The following CGNL1 variants were observed in gnomAD, a reference collection of about 807,000 sequenced individuals.
CGNL1 encodes cingulin like 1.
In CGNL1, 132 loss-of-function variants were observed where a neutral mutation model predicts 141.2. The ratio of observed to expected loss-of-function variants is 0.93; its 90% CI spans 0.81 to 1.08. CGNL1 has a LOEUF of 1.08. Ranked by LOEUF, CGNL1 falls within the 50% of genes least tolerant of loss-of-function variation. The pLI, the probability that CGNL1 is intolerant of heterozygous loss-of-function variation, is 0.00. For missense variants in CGNL1, 1,870 were observed against 1,588.6 expected, an observed-to-expected ratio of 1.18 and a Z score of -3.01; for synonymous variants, 690 against 622.1, an observed-to-expected ratio of 1.11 and a Z score of -1.63.
At chr15:57,510,508 G>A (rs549068100) in intron 8 of CGNL1, among the ~76,000 whole-genome samples, 25 of 152,304 alleles carry the variant, frequency 1.6e-4, no homozygotes, top group Admixed American at 6.5e-4. Context: ...TCTGTGTGCC[G>A]GGTGGGCAAG....
intron 8 of CGNL1, among the ~76,000 whole-genome samples, chr15:57,498,299 G>A (rs1373080651): frequency 7.3e-6 from 1 of 137,346 alleles, no homozygotes; most frequent in African/African-American, 2.8e-5. Flanking sequence ...GCCCAGGCTG[G>A]AGTGCAGTAG....
chr15:57,455,439 C>T (rs867408278), intron 7 of CGNL1, among the ~76,000 whole-genome samples: 1 of 152,192 alleles, frequency 6.6e-6, no homozygotes, highest in Non-Finnish European at 1.5e-5. Context: ...TCTGAAGTTG[C>T]TGATTTTCCG....
chr15:57,479,953 A>G (rs2063704821), intron 8 of CGNL1, among the ~76,000 whole-genome samples: 1 of 152,186 alleles, frequency 6.6e-6, no homozygotes, highest in Admixed American at 6.5e-5. Flanking sequence ...GTGACAGCAA[A>G]GGACAGAGGA....
chr15:57,549,886 C>G lies in CGNL1; in HGVS notation c.*2396C>G, dbSNP rs1354712269. On this transcript the variant is annotated 3_prime_UTR_variant, in exon 19 of 19. Transcript: ENST00000281282. ...GCTTCTCCCATCGTTAGACATCTGCCAGTAAGCCTGCTGAGAGAAGCCTCA... is the reference window on the plus strand; with the variant it reads ...GCTTCTCCCATCGTTAGACATCTGCGAGTAAGCCTGCTGAGAGAAGCCTCA... The G allele has an allele frequency of 6.6e-6, 1 of 152,156 alleles. No homozygotes were observed. The highest frequency in any genetic ancestry group is 2.4e-5 in the African/African-American group (1 of 41,412). The allele number at this position is 152,156 out of a possible 1,614,324, so 9.4% of individuals were successfully genotyped here.
chr15:57,491,160 T>C (rs1483026104), intron 8 of CGNL1, among the ~76,000 whole-genome samples: 2 of 152,172 alleles, frequency 1.3e-5, no homozygotes, highest in Non-Finnish European at 2.9e-5. Context: ...ATTAGTTCAT[T>C]CATTATGACA....
chr15:57,393,848 TATG>T (rs1401985382), intron 1 of CGNL1: 1 of 152,066 alleles, frequency 6.6e-6, no homozygotes, highest in Non-Finnish European at 1.5e-5. Flanking sequence ...CATCAGAAAG[TATG>T]ATAACAATTA....
intron 8 of CGNL1, among the ~76,000 whole-genome samples, chr15:57,512,737 C>T (rs547509050): frequency 2.6e-5 from 4 of 152,124 alleles, no homozygotes; most frequent in Non-Finnish European, 5.9e-5. Flanking sequence ...TTTTCAGTAT[C>T]CTCATTCTTC....
intron 1 of CGNL1, among the ~76,000 whole-genome samples, chr15:57,393,359 T>C (rs1023493902): frequency 1.3e-5 from 2 of 152,148 alleles, no homozygotes; most frequent in Admixed American, 6.5e-5. Flanking sequence ...GTGTTCACAA[T>C]TGGAGGAAAA....
At chr15:57,401,098 AT>A (rs2062656124) in intron 1 of CGNL1, among the ~76,000 whole-genome samples, 1 of 151,916 alleles carries the variant, frequency 6.6e-6, no homozygotes, top group African/African-American at 2.4e-5. Flanking sequence ...TGATTTTTGT[AT>A]TTTTAAAAAT....
chr15:57,518,302 G>A (rs2030987211), intron 9 of CGNL1, 91 bp from the exon 10 acceptor site: 1 of 908,054 alleles, frequency 1.1e-6, no homozygotes, highest in Admixed American at 2.1e-5. Context: ...CCATATCTAT[G>A]GGTGTCTTCG....
chr15:57,520,242 A>C (rs926439624), intron 10 of CGNL1, among the ~76,000 whole-genome samples: 2 of 152,194 alleles, frequency 1.3e-5, no homozygotes, highest in African/African-American at 2.4e-5. Flanking sequence ...TCGCTCTGAA[A>C]TACTTTGTTT....
At chr15:57,415,437 A>T (rs141787082) in intron 1 of CGNL1, among the ~76,000 whole-genome samples, 33 of 152,326 alleles carry the variant, frequency 2.2e-4, no homozygotes, top group African/African-American at 7.9e-4. Flanking sequence ...GGCGTTGAAG[A>T]TGGAGGAAGG....
intron 14 of CGNL1, among the ~76,000 whole-genome samples, chr15:57,534,025 A>G (rs1413013165): frequency 2.0e-5 from 3 of 152,164 alleles, no homozygotes; most frequent in Admixed American, 6.5e-5. Flanking sequence ...AAATCTATCA[A>G]AAGGAAGTCA....
chr15:57,497,513 TAA>T (rs1359442744), intron 8 of CGNL1, among the ~76,000 whole-genome samples: 1 of 152,198 alleles, frequency 6.6e-6, no homozygotes, highest in Non-Finnish European at 1.5e-5. Context: ...TCCTGCAAAG[TAA>T]AAGTCTGCAG....
At chr15:57,423,949 C>G (rs147361991) in intron 1 of CGNL1, among the ~76,000 whole-genome samples, 1 of 152,224 alleles carries the variant, frequency 6.6e-6, no homozygotes. Context: ...GCTCCATCCT[C>G]GCTTCTCCAT....
chr15:57,504,365 T>C (rs2064071024), intron 8 of CGNL1, among the ~76,000 whole-genome samples: 1 of 152,222 alleles, frequency 6.6e-6, no homozygotes, highest in Non-Finnish European at 1.5e-5. Context: ...CAAGTCTATC[T>C]GACTCTGGGA....
At chr15:57,495,187 A>T (rs1452926327) in intron 8 of CGNL1, among the ~76,000 whole-genome samples, 1 of 152,146 alleles carries the variant, frequency 6.6e-6, no homozygotes, top group Admixed American at 6.5e-5. Flanking sequence ...TCTCTGAAAT[A>T]GTTTTCACGT....
chr15:57,513,253 G>GGGGTGTGT (rs1555446881), intron 8 of CGNL1, among the ~76,000 whole-genome samples: 6 of 133,892 alleles, frequency 4.5e-5, no homozygotes, highest in African/African-American at 1.1e-4. Flanking sequence ...TGTCAATATG[G>GGGGTGTGT]GTGTGTGTGT....
At chr15:57,450,284 G>C (rs1181845796) in intron 4 of CGNL1, among the ~76,000 whole-genome samples, 1 of 150,378 alleles carries the variant, frequency 6.6e-6, no homozygotes, top group Non-Finnish European at 1.5e-5. Context: ...TGGTTTGTCT[G>C]TTTGTTTTTT....
Sources: gnomAD v4.1 joint callset for allele counts (sites outside exome capture counted in the v4.1 genomes callset) on GRCh38, gnomAD v4.1.1 for gene constraint, MANE v1.5 for transcripts, NCBI Gene and HGNC (gene_info 2026-07-23, HGNC 2026-07-21) for gene names.